ROBO2: variants seen among roughly 807,000 people sequenced by gnomAD.
ROBO2 encodes roundabout homolog 2.
Under a neutral mutation model 160.8 loss-of-function variants are expected in ROBO2, and 53 were observed. That is an observed-to-expected ratio of 0.33 (90% CI 0.26 to 0.41). The LOEUF is 0.41. Among genes scored for constraint, ROBO2 ranks in the 10% least tolerant of loss-of-function variants. The pLI is 1.00. For synonymous variants in ROBO2, 664 were observed against 611.7 expected, an observed-to-expected ratio of 1.09 and a Z score of -1.26; for missense variants, 1,577 against 1,722.4, an observed-to-expected ratio of 0.92 and a Z score of 1.49.
intron 2 of ROBO2, among the ~76,000 whole-genome samples, chr3:76,857,947 C>A (rs946075032): frequency 5.9e-5 from 9 of 152,116 alleles, no homozygotes; most frequent in African/African-American, 2.2e-4. Flanking sequence ...GTTCCCGATT[C>A]CCTCTTCCTA....
chr3:76,256,023 G>A (rs1200855678), intron 2 of ROBO2, among the ~76,000 whole-genome samples: 1 of 152,062 alleles, frequency 6.6e-6, no homozygotes, highest in Non-Finnish European at 1.5e-5. Context: ...CCTGAGCCAG[G>A]TGCAGTGGTT....
chr3:76,196,700 A>G (rs1019465360), intron 2 of ROBO2, among the ~76,000 whole-genome samples: 2 of 152,126 alleles, frequency 1.3e-5, no homozygotes, highest in African/African-American at 2.4e-5. Context: ...GGTTTTGAAA[A>G]TTGGAGATTA....
intron 2 of ROBO2, among the ~76,000 whole-genome samples, chr3:77,462,992 T>TGTCCCCAATAATTC: frequency 6.6e-6 from 1 of 152,242 alleles, no homozygotes; most frequent in Non-Finnish European, 1.5e-5. Flanking sequence ...TAAGTATACT[T>TGTCCCCAATAATTC]GTCCCCAATA....
intron 2 of ROBO2, among the ~76,000 whole-genome samples, chr3:76,852,911 C>A (rs1355490123): frequency 6.6e-6 from 1 of 151,990 alleles, no homozygotes; most frequent in Non-Finnish European, 1.5e-5. Flanking sequence ...TAGCAGGCGT[C>A]CCTTAAGAAA....
At chr3:77,607,734 C>A in intron 20 of ROBO2, 64 bp from the exon 22 acceptor site, 1 of 1,414,818 alleles carries the variant, frequency 7.1e-7, no homozygotes. Context: ...TACACCTTGC[C>A]ATCTGATGTA....
chr3:76,273,819 T>C, intron 2 of ROBO2, among the ~76,000 whole-genome samples: 1 of 152,192 alleles, frequency 6.6e-6, no homozygotes, highest in East Asian at 1.9e-4. Context: ...CAAGGTAGTA[T>C]TTGGGTGGGG....
intron 2 of ROBO2, among the ~76,000 whole-genome samples, chr3:76,767,525 AG>A (rs2061641476): frequency 6.6e-6 from 1 of 151,614 alleles, no homozygotes; most frequent in Non-Finnish European, 1.5e-5. Flanking sequence ...AGAAATGGAA[AG>A]AAATTTTCTT....
At chr3:76,586,945 A>G (rs2086077777) in intron 2 of ROBO2, among the ~76,000 whole-genome samples, 1 of 152,208 alleles carries the variant, frequency 6.6e-6, no homozygotes, top group Non-Finnish European at 1.5e-5. Flanking sequence ...GAAAATTGAC[A>G]AACCTCACCT....
chr3:77,424,966 G>A lies in ROBO2; in HGVS notation c.389-52448G>A, dbSNP rs560743740. Among the ~76,000 whole-genome samples, 6 of 152,170 alleles carry A rather than the reference G, an allele frequency of 3.9e-5. No individual in the cohort carries two copies. In the South Asian group the frequency reaches 8.3e-4, roughly 21 times the overall value. On this transcript the variant is annotated intron_variant, in intron 2 of 25. Transcript: ENST00000461745. Reference sequence around the variant, plus strand: ...AAAGGCAACACAAGTATCCCTTCCCGATTAATGTGAATTGGAACAAAAGGT... The same window carrying A: ...AAAGGCAACACAAGTATCCCTTCCCAATTAATGTGAATTGGAACAAAAGGT...
At chr3:77,187,934 A>T (rs976308513) in intron 2 of ROBO2, among the ~76,000 whole-genome samples, 1 of 151,944 alleles carries the variant, frequency 6.6e-6, no homozygotes, top group East Asian at 1.9e-4. Context: ...ATTAAATGTA[A>T]TCAAGAATAC....
chr3:77,427,082 G>A (rs1224574980), intron 2 of ROBO2, among the ~76,000 whole-genome samples: 1 of 152,158 alleles, frequency 6.6e-6, no homozygotes, highest in Admixed American at 6.5e-5. Flanking sequence ...CCAGATTCCT[G>A]GAGAGGGCAT....
At chr3:76,409,769 C>T (rs995300237) in intron 2 of ROBO2, among the ~76,000 whole-genome samples, 5 of 152,000 alleles carry the variant, frequency 3.3e-5, no homozygotes, top group African/African-American at 1.2e-4. Flanking sequence ...GTATCAAAAC[C>T]TAAGCATAAT....
At chr3:77,390,525 C>T (rs1206571748) in intron 2 of ROBO2, among the ~76,000 whole-genome samples, 1 of 152,074 alleles carries the variant, frequency 6.6e-6, no homozygotes, top group East Asian at 1.9e-4. Flanking sequence ...CTCTCGCCTG[C>T]CACCATATAA....
At chr3:76,295,355 A>G (rs1316771121) in intron 2 of ROBO2, among the ~76,000 whole-genome samples, 1 of 152,046 alleles carries the variant, frequency 6.6e-6, no homozygotes, top group African/African-American at 2.4e-5. Context: ...AGAGTCACTT[A>G]AAAAAAAGTA....
chr3:76,988,655 T>C (rs1041380674), intron 2 of ROBO2, among the ~76,000 whole-genome samples: 1 of 152,150 alleles, frequency 6.6e-6, no homozygotes, highest in African/African-American at 2.4e-5. Context: ...GGTGTTGGCC[T>C]GACTTTTAAT....
chr3:77,160,615 C>A (rs2078401856), intron 2 of ROBO2, among the ~76,000 whole-genome samples: 1 of 152,130 alleles, frequency 6.6e-6, no homozygotes, highest in Non-Finnish European at 1.5e-5. Flanking sequence ...ATATGTAATA[C>A]ATTTCAGTAA....
chr3:76,919,606 C>T lies in ROBO2; in HGVS notation c.110-178408C>T, dbSNP rs1247279656. Among the ~76,000 whole-genome samples, 4 of 152,062 alleles carry T rather than the reference C, an allele frequency of 2.6e-5. No individual in the cohort carries two copies. In the South Asian group the frequency reaches 6.2e-4, roughly 24 times the overall value. On this transcript the variant is annotated intron_variant, in intron 2 of 26. Transcript: ENST00000487694. ...GTATATAATTCAAAACACTTGTTTA[C>T]GCATCCTATCATGTATTTTTAATTG... is the stretch of plus-strand genomic sequence containing the variant.
intron 2 of ROBO2, among the ~76,000 whole-genome samples, chr3:76,392,224 C>T (rs1201223284): frequency 2.6e-5 from 4 of 152,080 alleles, no homozygotes; most frequent in Non-Finnish European, 2.9e-5. Flanking sequence ...TAAATTATTG[C>T]AATGACTTTC....
At chr3:76,464,571 G>A (rs563050590) in intron 2 of ROBO2, among the ~76,000 whole-genome samples, 25 of 150,310 alleles carry the variant, frequency 1.7e-4, no homozygotes, top group African/African-American at 5.8e-4. Context: ...TGGTGTATTA[G>A]ACTAATCTCA....
Sources: gnomAD v4.1 joint callset for allele counts (sites outside exome capture counted in the v4.1 genomes callset) on GRCh38, gnomAD v4.1.1 for gene constraint, MANE v1.5 for transcripts, NCBI Gene and HGNC (gene_info 2026-07-23, HGNC 2026-07-21) for gene names.